ARHGAP25: variants seen among roughly 807,000 people sequenced by gnomAD.
ARHGAP25 encodes the protein Rho GTPase activating protein 25.
In ARHGAP25, 34 loss-of-function variants were observed where a neutral mutation model predicts 71.0. That is an observed-to-expected ratio of 0.48 (90% CI 0.36 to 0.64). The LOEUF is 0.64. ARHGAP25 is among the 30% of genes least tolerant of loss of function. The probability of loss-of-function intolerance (pLI) is 0.00; values close to 1 mark genes in which losing one functional copy is unlikely to be tolerated. For missense variants in ARHGAP25, 706 were observed against 805.1 expected (o/e 0.88, Z 1.49); for synonymous variants, 282 against 296.5 (o/e 0.95, Z 0.50).
intron 2 of ARHGAP25, among the ~76,000 whole-genome samples, chr2:68,719,484 C>T (rs576691116): frequency 8.1e-5 from 12 of 148,848 alleles, no homozygotes; most frequent in South Asian, 2.2e-4. Context: ...ATAAGAACAA[C>T]GCCCACATTT....
intron 1 of ARHGAP25, 63 bp from the exon 2 acceptor site, chr2:68,775,158 G>A (rs779696055): frequency 1.2e-6 from 2 of 1,613,010 alleles, no homozygotes; most frequent in African/African-American, 1.3e-5. Flanking sequence ...TCTCCTCTCC[G>A]CCCACTCTTT....
intron 1 of ARHGAP25, among the ~76,000 whole-genome samples, chr2:68,739,023 T>C (rs902339679): frequency 6.6e-6 from 1 of 152,238 alleles, no homozygotes; most frequent in Non-Finnish European, 1.5e-5. Flanking sequence ...ACGAAGTGCA[T>C]GCTTCCTGTT....
intron 2 of ARHGAP25, among the ~76,000 whole-genome samples, chr2:68,714,552 CTAGTTCTTT>C (rs1674567290): frequency 6.6e-6 from 1 of 152,154 alleles, no homozygotes; most frequent in African/African-American, 2.4e-5. Context: ...TCTTGCTTCT[CTAGTTCTTT>C]TAATTGTGAT....
intron 6 of ARHGAP25, 168 bp from the exon 7 acceptor site, chr2:68,816,121 G>A (rs1466228648): frequency 9.1e-6 from 6 of 658,124 alleles, no homozygotes; most frequent in African/African-American, 6.4e-5. Flanking sequence ...TGTGAGAATT[G>A]AGTTATTTCC....
At chr2:68,775,169 G>T (rs774625739) in intron 1 of ARHGAP25, 52 bp from the exon 2 acceptor site, 1 of 1,614,024 alleles carries the variant, frequency 6.2e-7, no homozygotes, top group South Asian at 1.1e-5. Flanking sequence ...CCCACTCTTT[G>T]CTCACTGCCC....
At chr2:68,758,497 T>C (rs1291931050) in intron 1 of ARHGAP25, among the ~76,000 whole-genome samples, 5 of 151,834 alleles carry the variant, frequency 3.3e-5, no homozygotes, top group Admixed American at 2.6e-4. Flanking sequence ...ATTTAAAAAA[T>C]GCTACAAGAA....
chr2:68,797,406 A>AGC (rs1679636703), intron 4 of ARHGAP25, among the ~76,000 whole-genome samples: 1 of 152,156 alleles, frequency 6.6e-6, no homozygotes, highest in Admixed American at 6.5e-5. Context: ...TGGCTATGGC[A>AGC]GCCAACTTGG....
At chr2:68,786,101 G>A (rs573885037) in intron 3 of ARHGAP25, among the ~76,000 whole-genome samples, 4 of 152,192 alleles carry the variant, frequency 2.6e-5, no homozygotes, top group African/African-American at 9.6e-5. Context: ...CAATCATCCT[G>A]TCATCAGGTC....
chr2:68,714,231 G>A, intron 2 of ARHGAP25, among the ~76,000 whole-genome samples: 2 of 151,810 alleles, frequency 1.3e-5, no homozygotes. Flanking sequence ...ATGTGTCCAG[G>A]AATTTATCCA....
At chr2:68,766,179 T>G (rs1440224866) in intron 1 of ARHGAP25, among the ~76,000 whole-genome samples, 1 of 152,226 alleles carries the variant, frequency 6.6e-6, no homozygotes, top group African/African-American at 2.4e-5. Flanking sequence ...CTCTTCCTAA[T>G]GTAACACACC....
chr2:68,819,265 C>G lies in ARHGAP25; in HGVS notation c.1146C>G (p.Gly382=). The G allele has an allele frequency of 6.2e-7, 1 of 1,614,184 alleles. No individual in the cohort carries two copies. The part of the protein sequence containing the change: ...KKAPVARSSV[G]WDATEDLRIS... ...CTCCAGTGGCCCGAAGCTCTGTAGG[C>G]TGGGATGCCACTGAAGACCTCCGAA... is the stretch of plus-strand genomic sequence containing the variant. Residue 382 remains glycine, a synonymous_variant, in exon 9 of 11, where the codon GGC becomes GGG. Coordinates refer to ENST00000409202, the MANE Select transcript of ARHGAP25 (RefSeq NM_001007231.3).
At chr2:68,807,182 C>A (rs770688024) in intron 4 of ARHGAP25, 91 bp from the exon 5 acceptor site, 1 of 1,279,430 alleles carries the variant, frequency 7.8e-7, no homozygotes, top group South Asian at 1.2e-5. Flanking sequence ...GCAATAAAAC[C>A]TGTGAAGACA....
At chr2:68,819,821 G>A in intron 9 of ARHGAP25, 1 of 259,906 alleles carries the variant, frequency 3.8e-6, no homozygotes, top group Non-Finnish European at 7.2e-6. Flanking sequence ...GTGCTGAAGG[G>A]TTGAAACTCA....
At chr2:68,816,116 G>A in intron 6 of ARHGAP25, 173 bp from the exon 7 acceptor site, 1 of 663,688 alleles carries the variant, frequency 1.5e-6, no homozygotes, top group Non-Finnish European at 2.7e-6. Context: ...AATTCTGTGA[G>A]AATTGAGTTA....
intron 4 of ARHGAP25, among the ~76,000 whole-genome samples, chr2:68,797,012 G>T (rs538245028): frequency 2.0e-5 from 3 of 152,176 alleles, no homozygotes; most frequent in Non-Finnish European, 2.9e-5. Context: ...AACAACGAGC[G>T]GTGGGGGTAG....
rs756622041 is a variant in ARHGAP25, at chr2:68,826,304, A to C, written c.*110A>C. 10 of 1,027,160 alleles carry C rather than the reference A, an allele frequency of 9.7e-6. No individual in the cohort carries two copies. The East Asian group carries it at 2.5e-4, about 26-fold the overall frequency. 63.6% of individuals were successfully genotyped at this position (1,027,160 alleles called of 1,614,324 possible). A position where few individuals can be genotyped will look rare whatever the true frequency, so the allele number is the denominator to read the frequency against. On this transcript the variant is annotated 3_prime_UTR_variant, in exon 11 of 11. Coordinates refer to ENST00000409202, the MANE Select transcript of ARHGAP25 (RefSeq NM_001007231.3). ...AATTATTCTCTGAGAGGGAAAGGAC[A>C]TTTGAGGGAAACATCAAATTTCCCC...
intron 1 of ARHGAP25, among the ~76,000 whole-genome samples, chr2:68,756,194 C>T (rs561214386): frequency 6.6e-6 from 1 of 152,360 alleles, no homozygotes; most frequent in Admixed American, 6.5e-5. Flanking sequence ...TCCTCTACCC[C>T]TAGCCCTGTG....
chr2:68,774,015 CCAAT>C (rs2104370752), intron 1 of ARHGAP25, among the ~76,000 whole-genome samples: 1 of 152,256 alleles, frequency 6.6e-6, no homozygotes, highest in East Asian at 1.9e-4. Flanking sequence ...GAACTAGTCT[CCAAT>C]CAGGTGAAAT....
upstream of ARHGAP25, among the ~76,000 whole-genome samples, chr2:68,730,203 G>A (rs932130203): frequency 1.1e-4 from 16 of 152,086 alleles, no homozygotes; most frequent in African/African-American, 3.6e-4. Flanking sequence ...AGAAGGTGAG[G>A]GAGAAGTAGG....
Sources: allele counts gnomAD v4.1 joint callset (sites outside exome capture counted in the v4.1 genomes callset), GRCh38; gene constraint gnomAD v4.1.1; transcripts MANE v1.5; gene names NCBI Gene and HGNC (gene_info 2026-07-23, HGNC 2026-07-21).